LMO7: variants seen among roughly 807,000 people sequenced by gnomAD.
LMO7 encodes LIM domain only protein 7.
In LMO7, 120 loss-of-function variants were observed where a neutral mutation model predicts 206.5. That is an observed-to-expected ratio of 0.58 (90% CI 0.50 to 0.68). The LOEUF (loss-of-function observed/expected upper bound fraction) is 0.68, where lower values mean the gene tolerates loss of function less well. LMO7 is among the 30% of genes least tolerant of loss of function. The pLI, the probability that LMO7 is intolerant of heterozygous loss-of-function variation, is 0.00. For synonymous variants in LMO7, 706 were observed against 681.5 expected (o/e 1.04, Z -0.56); for missense variants, 1,959 against 1,957.9 (o/e 1.00, Z -0.01).
At chr13:75,730,253 G>A (rs1402576241) in intron 3 of LMO7, among the ~76,000 whole-genome samples, 1 of 152,116 alleles carries the variant, frequency 6.6e-6, no homozygotes, top group African/African-American at 2.4e-5. Flanking sequence ...GAATCCATCT[G>A]GTCCTGGACT....
At chr13:75,804,752 CT>C in intron 8 of LMO7, 30 of 1,046,378 alleles carry the variant, frequency 2.9e-5, no homozygotes, top group Admixed American at 1.1e-4. Flanking sequence ...TTTGCTAGGT[CT>C]TTTTTTAGAT....
intron 2 of LMO7, among the ~76,000 whole-genome samples, chr13:75,625,508 T>C (rs1171093598): frequency 1.3e-5 from 2 of 152,142 alleles, no homozygotes; most frequent in Middle Eastern, 3.2e-3. Flanking sequence ...TAGGCAGGGC[T>C]TCCTCTCCAG....
chr13:75,814,207 C>G (rs73227983), intron 11 of LMO7, among the ~76,000 whole-genome samples: 2,698 of 152,276 alleles, frequency 0.018, 27 homozygotes, highest in Middle Eastern at 0.037. Flanking sequence ...CCATAATAAT[C>G]TTACAAAAAG....
rs2052471294 is a variant in LMO7, at chr13:75,786,549, T to C, written c.318-8852T>C. On this transcript the variant is annotated intron_variant, in intron 4 of 30. Transcript: ENST00000377534. ...GCCACCACGCCTGGCTAATTTTTTT[T>C]TGTTTGTTTGTATTTTTAGTAGAGA... Among the ~76,000 whole-genome samples the C allele has an allele frequency of 2.0e-5, 3 of 151,876 alleles. No homozygotes were observed. In the South Asian group the frequency reaches 6.2e-4, roughly 32 times the overall value.
intron 4 of LMO7, among the ~76,000 whole-genome samples, chr13:75,769,086 A>G (rs1012670075): frequency 2.6e-5 from 4 of 152,170 alleles, no homozygotes; most frequent in Non-Finnish European, 5.9e-5. Context: ...ATTATGTCAA[A>G]ATGCATTAAG....
At chr13:75,715,997 C>G (rs1296503584) in intron 2 of LMO7, among the ~76,000 whole-genome samples, 1 of 152,136 alleles carries the variant, frequency 6.6e-6, no homozygotes, top group Non-Finnish European at 1.5e-5. Flanking sequence ...TTTTTAAAAC[C>G]TGAATTCATT....
intron 1 of LMO7, among the ~76,000 whole-genome samples, chr13:75,638,959 G>A (rs1394922109): frequency 6.6e-6 from 1 of 152,020 alleles, no homozygotes; most frequent in Non-Finnish European, 1.5e-5. Flanking sequence ...TGAAATATAG[G>A]AGGGTTTTTA....
intron 15 of LMO7, among the ~76,000 whole-genome samples, chr13:75,832,489 G>A (rs372048402): frequency 2.6e-5 from 4 of 152,090 alleles, no homozygotes; most frequent in Admixed American, 6.6e-5. Context: ...TGCCTTTAAC[G>A]CTAAATCTTC....
At chr13:75,717,082 G>A (rs9593122) in intron 2 of LMO7, among the ~76,000 whole-genome samples, 4 of 151,756 alleles carry the variant, frequency 2.6e-5, no homozygotes, top group Admixed American at 1.3e-4. Flanking sequence ...CACTCTTCTC[G>A]GCCGGGCGCG....
At chr13:75,776,669 A>G (rs752800432) in intron 4 of LMO7, among the ~76,000 whole-genome samples, 1 of 152,192 alleles carries the variant, frequency 6.6e-6, no homozygotes, top group South Asian at 2.1e-4. Context: ...GCTCTGGAGC[A>G]CGTTATCCCA....
chr13:75,659,465 G>A lies in LMO7; in HGVS notation c.69+22739G>A, dbSNP rs1185701184. On this transcript the variant is annotated intron_variant, in intron 1 of 30. Coordinates refer to ENST00000377534, the MANE Select transcript of LMO7 (RefSeq NM_001306080.2). ...CTTACAGTTCCACATGGCTGGAGAG[G>A]CCTCAGAATCATGGCGGGAGGTGAA... Among the ~76,000 whole-genome samples the A allele has an allele frequency of 2.6e-5, 4 of 152,336 alleles. No homozygotes were observed. The East Asian group carries it at 7.7e-4, about 29-fold the overall frequency.
chr13:75,632,392 C>A (rs527238135), upstream of LMO7, among the ~76,000 whole-genome samples: 1 of 152,174 alleles, frequency 6.6e-6, no homozygotes, highest in Non-Finnish European at 1.5e-5. Context: ...TACATGAAAT[C>A]TCCATTTTTT....
intron 1 of LMO7, among the ~76,000 whole-genome samples, chr13:75,664,765 C>A (rs779198822): frequency 1.3e-5 from 2 of 152,130 alleles, no homozygotes; most frequent in Non-Finnish European, 2.9e-5. Context: ...TTTTGTCTTG[C>A]GAGTTTGGCT....
At chr13:75,776,360 T>A (rs1014130870) in intron 4 of LMO7, among the ~76,000 whole-genome samples, 4 of 151,120 alleles carry the variant, frequency 2.6e-5, no homozygotes, top group African/African-American at 7.3e-5. Context: ...CCAGGTGCAT[T>A]GTTCATTGTT....
chr13:75,831,487 C>T (rs1231658229), intron 15 of LMO7, among the ~76,000 whole-genome samples: 1 of 152,076 alleles, frequency 6.6e-6, no homozygotes, highest in African/African-American at 2.4e-5. Context: ...GTTGCTATAA[C>T]AGAATACCTG....
At chr13:75,650,979 C>T (rs2037501077) in intron 1 of LMO7, among the ~76,000 whole-genome samples, 1 of 152,038 alleles carries the variant, frequency 6.6e-6, no homozygotes, top group South Asian at 2.1e-4. Flanking sequence ...TTTATAGTTT[C>T]CATGAAGAAA....
At chr13:75,657,376 T>C (rs1231393853) in intron 1 of LMO7, among the ~76,000 whole-genome samples, 1 of 152,220 alleles carries the variant, frequency 6.6e-6, no homozygotes, top group Non-Finnish European at 1.5e-5. Flanking sequence ...TTGGGAAGTT[T>C]TGCCAATTCC....
At chr13:75,716,940 G>A (rs945408438) in intron 2 of LMO7, among the ~76,000 whole-genome samples, 7 of 146,068 alleles carry the variant, frequency 4.8e-5, no homozygotes, top group African/African-American at 1.5e-4. Flanking sequence ...TTTGCTTGAC[G>A]ATAGTCTGAT....
chr13:75,768,015 A>C (rs1008404485), intron 4 of LMO7, among the ~76,000 whole-genome samples: 9 of 152,092 alleles, frequency 5.9e-5, no homozygotes, highest in Non-Finnish European at 1.3e-4. Flanking sequence ...AAATCATATC[A>C]TTTGGGTGAT....
Sources: gnomAD v4.1 joint callset for allele counts (sites outside exome capture counted in the v4.1 genomes callset) on GRCh38, gnomAD v4.1.1 for gene constraint, MANE v1.5 for transcripts, NCBI Gene and HGNC (gene_info 2026-07-23, HGNC 2026-07-21) for gene names.